The following TENM3 variants were observed in gnomAD, a reference collection of about 807,000 sequenced individuals.
The protein encoded by TENM3 is teneurin-3.
Under a neutral mutation model 255.1 loss-of-function variants are expected in TENM3, and 63 were observed. The ratio of observed to expected loss-of-function variants is 0.25; its 90% CI spans 0.20 to 0.30. The LOEUF (loss-of-function observed/expected upper bound fraction) is 0.30, where lower values mean the gene tolerates loss of function less well. TENM3 is among the 10% of genes least tolerant of loss of function. TENM3 has a pLI of 1.00. For synonymous variants in TENM3, 1,306 were observed against 1,322.3 expected, an observed-to-expected ratio of 0.99 and a Z score of 0.27; for missense variants, 2,929 against 3,461.1, an observed-to-expected ratio of 0.85 and a Z score of 3.86.
rs138892911 is a variant in TENM3, at chr4:182,717,359, T to C, written c.2368+3126T>C. ...GGGGCGACTTATCTTCAGCCACCCTTTTAACACCTGTGCTGCTTTCCAATA... is the reference window on the plus strand; with the variant it reads ...GGGGCGACTTATCTTCAGCCACCCTCTTAACACCTGTGCTGCTTTCCAATA... On this transcript the variant is annotated intron_variant, in intron 13 of 27. Coordinates refer to ENST00000511685, the MANE Select transcript of TENM3 (RefSeq NM_001080477.4). 5.9e-5 allele frequency among the ~76,000 whole-genome samples: 9 copies of C among 152,318 alleles called. No homozygotes were observed. In the East Asian group the frequency reaches 1.7e-3, roughly 29 times the overall value.
chr4:182,417,198 G>C (rs1249424373), intron 3 of TENM3, among the ~76,000 whole-genome samples: 3 of 151,754 alleles, frequency 2.0e-5, no homozygotes, highest in Non-Finnish European at 4.4e-5. Flanking sequence ...GGATGGTCTC[G>C]ATCTCCTGAC....
chr4:182,745,620 C>T (rs1761952710), intron 19 of TENM3, among the ~76,000 whole-genome samples: 1 of 152,116 alleles, frequency 6.6e-6, no homozygotes, highest in African/African-American at 2.4e-5. Context: ...TGTATCTTCC[C>T]CAAAATACAT....
the TENM3 span, among the ~76,000 whole-genome samples, chr4:181,694,948 T>C: frequency 2.0e-5 from 3 of 152,178 alleles, no homozygotes; most frequent in African/African-American, 7.2e-5. Context: ...TCAAAGTCAG[T>C]ATTTTCTCTC....
chr4:181,763,616 G>T, the TENM3 span, among the ~76,000 whole-genome samples: 2 of 152,006 alleles, frequency 1.3e-5, no homozygotes, highest in Non-Finnish European at 2.9e-5. Flanking sequence ...ATTATCTATG[G>T]CTGCTTTTAC....
At chr4:181,539,988 G>C in the TENM3 span, among the ~76,000 whole-genome samples, 2 of 152,130 alleles carry the variant, frequency 1.3e-5, no homozygotes, top group East Asian at 3.9e-4. Flanking sequence ...CCAATAAAAG[G>C]AACCAAAGCT....
At chr4:182,190,348 C>T (rs570943740) in intron 1 of TENM3, 22 of 152,248 alleles carry the variant, frequency 1.4e-4, no homozygotes, top group African/African-American at 4.8e-4. Context: ...AAAAATCAGC[C>T]CACCAGTATT....
chr4:181,686,007 A>T, the TENM3 span, among the ~76,000 whole-genome samples: 3 of 152,176 alleles, frequency 2.0e-5, no homozygotes, highest in Admixed American at 2.0e-4. Context: ...GGGAAACAAA[A>T]TGCAGGATGA....
intron 3 of TENM3, among the ~76,000 whole-genome samples, chr4:182,525,844 G>A (rs1407055101): frequency 6.6e-6 from 1 of 152,186 alleles, no homozygotes; most frequent in Non-Finnish European, 1.5e-5. Context: ...TAAGTAATAT[G>A]GAAATATTCA....
At position 182,793,306 on chromosome 4, in the gene TENM3, C is replaced by T; in HGVS notation, c.6634C>T (p.Leu2212Phe). The T allele has an allele frequency of 6.2e-7, 1 of 1,613,804 alleles. No homozygotes were observed. Among genetic ancestry groups the T allele is most frequent in the Non-Finnish European group, 8.5e-7 (1 of 1,179,790 alleles). The change falls in exon 26 of 28, where the codon CTT (leucine) becomes TTT (phenylalanine). Residue 2212 changes from leucine (L) to phenylalanine (F), a missense_variant. Leu to Phe is a conservative substitution (Grantham distance 22). Transcript: ENST00000511685. This position sits in a 1 kb window ranked among gnomAD's most constrained non-coding sequence, Gnocchi z 5.7. The stretch of plus-strand genomic sequence containing the variant: ...AATCTTTGAATATAGCTCCAAGGGG[C>T]TTCTAACTCGAGTTTACAGTAAAGG... ...TEIFEYSSKG[L>F]LTRVYSKGSG...
the TENM3 span, among the ~76,000 whole-genome samples, chr4:181,858,611 A>C: frequency 6.6e-6 from 1 of 152,330 alleles, no homozygotes; most frequent in Non-Finnish European, 1.5e-5. Flanking sequence ...CAGAACAGGT[A>C]ATCCTACCTG....
chr4:181,927,585 T>C, the TENM3 span, among the ~76,000 whole-genome samples: 4 of 152,174 alleles, frequency 2.6e-5, no homozygotes, highest in South Asian at 4.1e-4. Flanking sequence ...AAGGGGTAGC[T>C]GTGGGCGCAG....
chr4:181,514,846 C>G, the TENM3 span, among the ~76,000 whole-genome samples: 95,456 of 152,086 alleles, frequency 0.63, 30,501 homozygotes, highest in Non-Finnish European at 0.7. Context: ...GAATGGATAT[C>G]GAATGGAAAT....
At chr4:181,975,608 G>A in the TENM3 span, 4 of 152,368 alleles carry the variant, frequency 2.6e-5, no homozygotes, top group South Asian at 8.3e-4. Context: ...CATGTTGGAA[G>A]TAGGTTGTGA....
At chr4:182,346,595 G>T in intron 2 of TENM3, 56 bp from the exon 3 acceptor site, 44 of 1,277,574 alleles carry the variant, frequency 3.4e-5, no homozygotes, top group Non-Finnish European at 4.3e-5. Flanking sequence ...AAAAAGAAAA[G>T]AAACTAACAC....
the TENM3 span, chr4:181,976,334 A>G: frequency 0.41 from 62,597 of 152,048 alleles, 13,557 homozygotes; most frequent in African/African-American, 0.53. Context: ...TGGCCAAGCT[A>G]GTCTCCAACT....
chr4:182,205,583 G>C (rs1442462918), intron 1 of TENM3, among the ~76,000 whole-genome samples: 3 of 152,250 alleles, frequency 2.0e-5, no homozygotes, highest in African/African-American at 7.2e-5. Flanking sequence ...GCTCCCCTGG[G>C]CCCCCCCAAA....
chr4:181,610,522 G>A, the TENM3 span, among the ~76,000 whole-genome samples: 2 of 152,064 alleles, frequency 1.3e-5, no homozygotes, highest in Admixed American at 6.6e-5. Context: ...TTTACACAGA[G>A]GCGTAAAAGC....
chr4:182,111,189 C>CTTTTTTT, the TENM3 span, among the ~76,000 whole-genome samples: 103 of 80,480 alleles, frequency 1.3e-3, no homozygotes, highest in African/African-American at 2.5e-3. Flanking sequence ...GTCTTCTTCT[C>CTTTTTTT]TTTTTTTTTT....
intron 3 of TENM3, among the ~76,000 whole-genome samples, chr4:182,522,343 C>T (rs115648514): frequency 0.039 from 5,997 of 152,210 alleles, 227 homozygotes; most frequent in East Asian, 0.11. Flanking sequence ...TTTTCTCCCG[C>T]TTTCACTTTG....
Sources: allele counts gnomAD v4.1 joint callset (sites outside exome capture counted in the v4.1 genomes callset), GRCh38; gene constraint gnomAD v4.1.1; non-coding constraint Gnocchi (gnomAD v3.1); transcripts MANE v1.5; gene names NCBI Gene and HGNC (gene_info 2026-07-23, HGNC 2026-07-21).